MAPK4: variants seen among roughly 807,000 people sequenced by gnomAD.
MAPK4 encodes Erk3-related.
A neutral mutation model predicts 47.7 loss-of-function variants in MAPK4; 22 were observed. That is an observed-to-expected ratio of 0.46 (90% CI 0.33 to 0.66). The LOEUF is 0.66. MAPK4 is among the 30% of genes least tolerant of loss of function. The probability of loss-of-function intolerance (pLI) is 0.02; values close to 1 mark genes in which losing one functional copy is unlikely to be tolerated. For synonymous variants in MAPK4, 390 were observed against 365.7 expected (o/e 1.07, Z -0.76); for missense variants, 736 against 831.7 (o/e 0.88, Z 1.42).
At chr18:50,704,453 C>T in intron 2 of MAPK4, 2 of 397,674 alleles carry the variant, frequency 5.0e-6, no homozygotes, top group Non-Finnish European at 8.9e-6. Flanking sequence ...TGCACTTTAG[C>T]CTGGGTGACA....
At chr18:50,559,647 C>T (rs979228410), upstream of MAPK4, among the ~76,000 whole-genome samples, 3 of 150,536 alleles carry the variant, frequency 2.0e-5, no homozygotes, top group Non-Finnish European at 3.0e-5. Context: ...CGGCTGCAGC[C>T]GCGCGGGGCT....
chr18:50,568,070 C>T (rs373300239), intron 1 of MAPK4, among the ~76,000 whole-genome samples: 1 of 151,790 alleles, frequency 6.6e-6, no homozygotes, highest in South Asian at 2.1e-4. Context: ...GTGGCGGATG[C>T]CTGTAGTCCC....
At chr18:50,702,252 A>G (rs1333677791) in intron 2 of MAPK4, among the ~76,000 whole-genome samples, 1 of 151,856 alleles carries the variant, frequency 6.6e-6, no homozygotes, top group Admixed American at 6.6e-5. Context: ...CCTAACTTTC[A>G]AAGACTGAGT....
intron 1 of MAPK4, among the ~76,000 whole-genome samples, chr18:50,631,112 G>T (rs940785828): frequency 6.6e-6 from 1 of 152,170 alleles, no homozygotes; most frequent in Non-Finnish European, 1.5e-5. Context: ...GGTCAGACAG[G>T]GTGACACGCT....
intron 1 of MAPK4, among the ~76,000 whole-genome samples, chr18:50,587,385 C>T (rs2042397961): frequency 6.6e-6 from 1 of 152,200 alleles, no homozygotes; most frequent in Non-Finnish European, 1.5e-5. Context: ...GACCTCCCAG[C>T]CTCCAAAACG....
intron 2 of MAPK4, among the ~76,000 whole-genome samples, chr18:50,674,475 G>A (rs181078022): frequency 6.6e-6 from 1 of 152,048 alleles, no homozygotes; most frequent in African/African-American, 2.4e-5. Context: ...CTGTGAGCTG[G>A]GAGAGACCAG....
At chr18:50,655,757 C>T (rs554467877) in intron 1 of MAPK4, among the ~76,000 whole-genome samples, 2 of 152,232 alleles carry the variant, frequency 1.3e-5, no homozygotes, top group South Asian at 4.1e-4. Flanking sequence ...GCCTGTGTGG[C>T]CTCCTCCCTT....
In MAPK4 at chr18:50,569,720, C is replaced by T. The variant is rs139979746; in HGVS notation, c.-871+9477C>T. On this transcript the variant is annotated intron_variant, in intron 1 of 5. Transcript: ENST00000400384. Reference sequence around the variant, plus strand: ...AAACAAAACAGAACAACAATAACAACAAAATAAGGTGGGTTAGACAAGCTT... The same window carrying T: ...AAACAAAACAGAACAACAATAACAATAAAATAAGGTGGGTTAGACAAGCTT... Among the ~76,000 whole-genome samples the T allele has an allele frequency of 1.7e-3, 259 of 152,302 alleles. 1 individual carries two copies. The highest frequency in any genetic ancestry group is 2.8e-3 in the Non-Finnish European group (193 of 68,012).
intron 1 of MAPK4, among the ~76,000 whole-genome samples, chr18:50,579,887 A>G (rs1267460620): frequency 6.6e-6 from 1 of 152,198 alleles, no homozygotes; most frequent in Non-Finnish European, 1.5e-5. Context: ...TTAGAAGGGG[A>G]GTGAGTTCTC....
rs945718275 is a variant in MAPK4 at position 50,685,542 on chromosome 18, G to T, written c.546+21038G>T. ...ACGCGTAGAGAAATGAATGTGCAGT[G>T]CATGTGGGGGAGGCACCGGGATGGC... is the stretch of plus-strand genomic sequence containing the variant. On this transcript the variant is annotated intron_variant, in intron 2 of 5. Transcript: ENST00000400384. Among the ~76,000 whole-genome samples the T allele has an allele frequency of 2.6e-5, 4 of 152,350 alleles. No individual in the cohort carries two copies. In the East Asian group the frequency reaches 7.7e-4, roughly 29 times the overall value.
intron 1 of MAPK4, among the ~76,000 whole-genome samples, chr18:50,658,933 G>C (rs2043140621): frequency 6.6e-6 from 1 of 152,218 alleles, no homozygotes; most frequent in Non-Finnish European, 1.5e-5. Context: ...TGTTCCCACG[G>C]AGTCTAGAGC....
At position 50,655,081 on chromosome 18, in the gene MAPK4, C is replaced by T. The variant is rs1195024902; in HGVS notation, c.-870-8008C>T. ...GAGGTGAAGATAACAGGGTCCCCTCCTGTTTCTTTCTCAGCAGTGTCCCCA... is the reference window on the plus strand; with the variant it reads ...GAGGTGAAGATAACAGGGTCCCCTCTTGTTTCTTTCTCAGCAGTGTCCCCA... On this transcript the variant is annotated intron_variant, in intron 1 of 5. Transcript: ENST00000400384. Among the ~76,000 whole-genome samples the T allele has an allele frequency of 2.0e-5, 3 of 152,190 alleles. No homozygotes were observed. In the East Asian group the frequency reaches 5.8e-4, roughly 29 times the overall value.
chr18:50,678,630 C>CT lies in MAPK4; in HGVS notation c.546+14133dup, dbSNP rs1311467352. 6.6e-6 allele frequency among the ~76,000 whole-genome samples: 1 copy of CT among 152,186 alleles called. No homozygotes were observed. Among genetic ancestry groups the CT allele is most frequent in the Non-Finnish European group, 1.5e-5 (1 of 68,030 alleles). On this transcript the variant is annotated intron_variant, in intron 2 of 5. Transcript: ENST00000400384. This position sits in a 1 kb window ranked among gnomAD's most constrained non-coding sequence, Gnocchi z 4.2. ...CACAGTCACTTTGGGAAGAATACAG[C>CT]TTTTTTTCCCTCCCTTTTTCAATAA...
intron 1 of MAPK4, among the ~76,000 whole-genome samples, chr18:50,640,020 C>T (rs976625338): frequency 2.6e-5 from 4 of 152,220 alleles, no homozygotes; most frequent in African/African-American, 9.6e-5. Context: ...ATGTCACAAA[C>T]CTTTTATTCT....
At chr18:50,564,928 A>T (rs1255250561) in intron 1 of MAPK4, among the ~76,000 whole-genome samples, 1 of 152,212 alleles carries the variant, frequency 6.6e-6, no homozygotes, top group Non-Finnish European at 1.5e-5. Flanking sequence ...CGACAAAACG[A>T]TAAGGGGAGC....
intron 1 of MAPK4, among the ~76,000 whole-genome samples, chr18:50,658,199 G>T (rs1175052428): frequency 6.6e-6 from 1 of 152,150 alleles, no homozygotes; most frequent in East Asian, 1.9e-4. Context: ...CTCCATACTG[G>T]GTTGAACAAA....
At chr18:50,707,617 G>T (rs973400343) in intron 2 of MAPK4, among the ~76,000 whole-genome samples, 1 of 151,494 alleles carries the variant, frequency 6.6e-6, no homozygotes, top group Non-Finnish European at 1.5e-5. Context: ...TGGTGGCGAT[G>T]GTTGTACAGC....
chr18:50,666,515 G>A (rs1907611586), intron 2 of MAPK4, among the ~76,000 whole-genome samples: 1 of 152,202 alleles, frequency 6.6e-6, no homozygotes, highest in African/African-American at 2.4e-5. Flanking sequence ...GCTGGGAGCT[G>A]GAGAGACCAA....
chr18:50,566,019 A>G (rs1226107614), intron 1 of MAPK4, among the ~76,000 whole-genome samples: 1 of 152,238 alleles, frequency 6.6e-6, no homozygotes, highest in East Asian at 1.9e-4. Context: ...TCCTTAGTTT[A>G]GATCACCTTA....
Sources: gnomAD v4.1 joint callset for allele counts (sites outside exome capture counted in the v4.1 genomes callset) on GRCh38, gnomAD v4.1.1 for gene constraint, Gnocchi (gnomAD v3.1) non-coding constraint, MANE v1.5 for transcripts, NCBI Gene and HGNC (gene_info 2026-07-23, HGNC 2026-07-21) for gene names.